Variants in TAF8 observed in about 807,000 individuals in gnomAD.
TAF8 encodes the protein TATA-box binding protein associated factor 8.
Under a neutral mutation model 36.5 loss-of-function variants are expected in TAF8, and 47 were observed. The observed-to-expected ratio is 1.29, with a 90% CI of 1.02 to 1.64. The LOEUF (loss-of-function observed/expected upper bound fraction) is 1.64. TAF8 is among the 40% of genes most tolerant of loss of function. TAF8 has a pLI of 0.00. For missense variants in TAF8, 420 were observed against 407.6 expected (o/e 1.03, Z -0.26); for synonymous variants, 175 against 159.5 (o/e 1.10, Z -0.73).
chr6:42,050,611 G>T lies in TAF8; in HGVS notation c.45+25G>T, dbSNP rs201815488. ...GGTAAGGGCAGGAAGCGCGGGCTCG[G>T]AGCCGAGAGAGTTTGGGTATCCTGC... On this transcript the variant is annotated intron_variant, in intron 1 of 8. Coordinates refer to ENST00000372977, the MANE Select transcript of TAF8 (RefSeq NM_138572.3). 6.4e-3 allele frequency: 9,856 copies of T among 1,540,030 alleles called. 52 individuals carry two copies. The highest frequency in any genetic ancestry group is 7.6e-3 in the Non-Finnish European group (8,677 of 1,143,666).
chr6:42,077,513 A>G lies in TAF8; in HGVS notation c.921-20A>G, dbSNP rs201592806. The G allele has an allele frequency of 1.7e-5, 27 of 1,612,280 alleles. 1 individual carries two copies. In the African/African-American group the frequency reaches 3.2e-4, roughly 19 times the overall value. Reference sequence around the variant, plus strand: ...GACAGGGCCCACACCAGGAGGCTCCATGGTTCCTCTTCTTTCTAGGTCCCT... The same window carrying G: ...GACAGGGCCCACACCAGGAGGCTCCGTGGTTCCTCTTCTTTCTAGGTCCCT... On this transcript the variant is annotated intron_variant, in intron 8 of 8. Transcript: ENST00000372977.
chr6:42,063,448 A>G (rs1765252668), intron 5 of TAF8: 1 of 152,158 alleles, frequency 6.6e-6, no homozygotes, highest in South Asian at 2.1e-4. Context: ...TTGCTTATTT[A>G]TGTGAATATT....
chr6:42,062,976 T>G (rs1015860949), intron 5 of TAF8, among the ~76,000 whole-genome samples: 1 of 152,200 alleles, frequency 6.6e-6, no homozygotes, highest in Non-Finnish European at 1.5e-5. Context: ...AGGACACTAG[T>G]CATATTGCAC....
At chr6:42,072,880 G>A (rs146054389) in intron 7 of TAF8, among the ~76,000 whole-genome samples, 265 of 151,984 alleles carry the variant, frequency 1.7e-3, no homozygotes, top group Admixed American at 4.1e-3. Flanking sequence ...CCGCCACCAC[G>A]CCCGGCTAAT....
At chr6:42,057,097 C>T (rs1236769297) in intron 4 of TAF8, among the ~76,000 whole-genome samples, 3 of 152,176 alleles carry the variant, frequency 2.0e-5, no homozygotes, top group East Asian at 3.8e-4. Context: ...ATGTAACCTG[C>T]GTAGCTCCTC....
At chr6:42,055,432 G>A in intron 2 of TAF8, 99 bp from the exon 3 acceptor site, 1 of 789,756 alleles carries the variant, frequency 1.3e-6, no homozygotes, top group South Asian at 1.5e-5. Flanking sequence ...GTTCATTTAT[G>A]TATATACCTA....
At chr6:42,069,619 C>G (rs1765490314) in intron 7 of TAF8, among the ~76,000 whole-genome samples, 1 of 152,150 alleles carries the variant, frequency 6.6e-6, no homozygotes, top group African/African-American at 2.4e-5. Flanking sequence ...GTGTCTTAAA[C>G]ATAGATGTGT....
chr6:42,054,735 G>T (rs1301259548), intron 2 of TAF8, among the ~76,000 whole-genome samples: 1 of 151,504 alleles, frequency 6.6e-6, no homozygotes, highest in Non-Finnish European at 1.5e-5. Flanking sequence ...CTCCTGAGTA[G>T]CTGGGATTAC....
At position 42,051,411 on chromosome 6, in the gene TAF8, A is replaced by G. The variant is rs1764780570; in HGVS notation, c.100A>G (p.Arg34Gly). 1 of 1,614,136 alleles carries G rather than the reference A, an allele frequency of 6.2e-7. No homozygotes were observed. The highest frequency in any genetic ancestry group is 8.5e-7 in the Non-Finnish European group (1 of 1,180,008). ...TGCCGATAACTATCATCTGGCCCGG[A>G]GGAGAACCCTGCAGGTGGTTGTGAG... ...NPADNYHLAR[R>G]RTLQVVVSSL... The change falls in exon 2 of 9, where the codon AGG becomes GGG. Residue 34 changes from arginine (R) to glycine (G), a missense_variant. By Grantham distance (125) the Arg-to-Gly change is moderately radical. Coordinates refer to ENST00000372977, the MANE Select transcript of TAF8 (RefSeq NM_138572.3).
Position 42,066,807 on chromosome 6 carries a change from C to G in TAF8, c.637+348C>G, listed in dbSNP as rs547317514. Among the ~76,000 whole-genome samples, 3 of 152,258 alleles carry G rather than the reference C, an allele frequency of 2.0e-5. No individual in the cohort carries two copies. In the South Asian group the frequency reaches 6.2e-4, roughly 32 times the overall value. On this transcript the variant is annotated intron_variant, in intron 6 of 8. Coordinates refer to ENST00000372977, the MANE Select transcript of TAF8 (RefSeq NM_138572.3). Reference sequence around the variant, plus strand: ...CGTGATGTTCCCTCGTAGGTCCCACCTCATTTAACTTGGCATCTCAGCACT... The same window carrying G: ...CGTGATGTTCCCTCGTAGGTCCCACGTCATTTAACTTGGCATCTCAGCACT...
chr6:42,064,121 A>T (rs1765274247), intron 5 of TAF8, among the ~76,000 whole-genome samples: 1 of 152,010 alleles, frequency 6.6e-6, no homozygotes, highest in Non-Finnish European at 1.5e-5. Context: ...TTGGTTGAAA[A>T]TTTTCTATTA....
downstream of TAF8, chr6:42,086,603 C>G (rs1446025296): frequency 1.0e-6 from 1 of 1,002,314 alleles, no homozygotes; most frequent in Non-Finnish European, 1.5e-6. Flanking sequence ...ACAAGCAGCT[C>G]CCCTGATCTG....
chr6:42,062,750 C>G (rs1429431641), intron 5 of TAF8, among the ~76,000 whole-genome samples: 2 of 151,712 alleles, frequency 1.3e-5, no homozygotes. Context: ...CCATATTGAC[C>G]AGGCTGGTCT....
At position 42,051,477 on chromosome 6, in the gene TAF8, G is replaced by A. The variant is rs1764785003; in HGVS notation, c.166G>A (p.Ala56Thr). 6.2e-7 allele frequency: 1 copy of A among 1,613,996 alleles called. No homozygotes were observed. The highest frequency in any genetic ancestry group is 8.5e-7 in the Non-Finnish European group (1 of 1,180,034). Residue 56 changes from alanine to threonine, a missense_variant, in exon 2 of 9, where the codon GCA (alanine) becomes ACA (threonine). Ala to Thr is a moderately conservative substitution (Grantham distance 58, BLOSUM62 0). Coordinates refer to ENST00000372977, the MANE Select transcript of TAF8 (RefSeq NM_138572.3). ...TEAGFESAEK[A>T]SVETLTEMLQ... ...GGCAGGGTTTGAGAGTGCCGAGAAA[G>A]CATCCGTGGAAACGCTGACAGAGAT...
chr6:42,084,229 G>A (rs1765994127), downstream of TAF8, among the ~76,000 whole-genome samples: 1 of 151,162 alleles, frequency 6.6e-6, no homozygotes, highest in Admixed American at 6.6e-5. Context: ...TCGTTAGCCT[G>A]GTAGACGAGT....
At chr6:42,061,000 G>A (rs1002692697) in intron 5 of TAF8, among the ~76,000 whole-genome samples, 9 of 152,186 alleles carry the variant, frequency 5.9e-5, no homozygotes, top group African/African-American at 2.2e-4. Context: ...GTTTAGCAAT[G>A]TTTAACACAT....
rs910616067 is a variant in TAF8 at position 42,079,345 on chromosome 6, C to G, written c.*1800C>G. On this transcript the variant is annotated 3_prime_UTR_variant, in exon 9 of 9. Transcript: ENST00000372977. Reference sequence around the variant, plus strand: ...ATCCTGTGGGGAGAACAACTTCATTCTTAACATACCCTACAAACCAGAAAA... The same window carrying G: ...ATCCTGTGGGGAGAACAACTTCATTGTTAACATACCCTACAAACCAGAAAA... 7 of 985,310 alleles carry G rather than the reference C, an allele frequency of 7.1e-6. No individual in the cohort carries two copies. The highest frequency in any genetic ancestry group is 1.7e-5 in the African/African-American group (1 of 57,212). The allele number at this position is 985,310 out of a possible 1,614,324, so 61.0% of individuals were successfully genotyped here.
chr6:42,069,002 G>A (rs1490604405), intron 7 of TAF8, among the ~76,000 whole-genome samples: 1 of 152,146 alleles, frequency 6.6e-6, no homozygotes. Flanking sequence ...AAGGGAACAA[G>A]GCATGGACAT....
rs1418685539 is a variant in TAF8, at chr6:42,077,227, T to G, written c.908T>G (p.Ile303Ser). 1 of 1,612,980 alleles carries G rather than the reference T, an allele frequency of 6.2e-7. No homozygotes were observed. Among genetic ancestry groups the G allele is most frequent in the Non-Finnish European group, 8.5e-7 (1 of 1,179,284 alleles). ...CTGCGGCCGGTGAAGAAGCCCAAGA[T>G]CCGCAGGAAGAAGTGAGTTGGAGGC... Reference protein sequence around the residue: ...PYLRPVKKPKIRRKKSLS With the variant: ...PYLRPVKKPKSRRKKSLS Residue 303 changes from isoleucine (I) to serine (S), a missense_variant, in exon 8 of 9, where the codon ATC becomes AGC. Coordinates refer to ENST00000372977, the MANE Select transcript of TAF8 (RefSeq NM_138572.3).
Sources: allele counts gnomAD v4.1 joint callset (sites outside exome capture counted in the v4.1 genomes callset), GRCh38; gene constraint gnomAD v4.1.1; transcripts MANE v1.5; gene names NCBI Gene and HGNC (gene_info 2026-07-23, HGNC 2026-07-21).